Variants in ADAMTS3 observed in about 807,000 individuals in gnomAD.
The protein encoded by ADAMTS3 is ADAM metallopeptidase with thrombospondin type 1 motif 3, also known as A disintegrin and metalloproteinase with thrombospondin motifs 3.
ADAMTS3 carries 73 observed loss-of-function variants against 129.0 expected under a neutral mutation model. That is an observed-to-expected ratio of 0.57 (90% CI 0.47 to 0.69). ADAMTS3 has a LOEUF of 0.69. Ranked by LOEUF, ADAMTS3 falls within the 30% of genes least tolerant of loss-of-function variation. The pLI is 0.00. For synonymous variants in ADAMTS3, 477 were observed against 510.8 expected (o/e 0.93, Z 0.89); for missense variants, 1,457 against 1,514.5 (o/e 0.96, Z 0.63).
chr4:72,392,172 C>T (rs561338758), intron 4 of ADAMTS3, among the ~76,000 whole-genome samples: 5 of 152,236 alleles, frequency 3.3e-5, no homozygotes, highest in South Asian at 2.1e-4. Flanking sequence ...AACTCATATT[C>T]CCTGACTCCT....
rs150043091 is a variant in ADAMTS3 at position 72,382,556 on chromosome 4, A to T, written c.661+32259T>A. On this transcript the variant is annotated intron_variant, in intron 4 of 21. Transcript: ENST00000286657. ...GGTATCTACCCAAAGGAAAAGAAAC[A>T]GTTTTATCAAGAAGATACCTAAACC... Among the ~76,000 whole-genome samples, 26 of 152,262 alleles carry T rather than the reference A, an allele frequency of 1.7e-4. No homozygotes were observed. The South Asian group carries it at 1.9e-3, about 11-fold the overall frequency.
intron 3 of ADAMTS3, among the ~76,000 whole-genome samples, chr4:72,475,750 C>T (rs1719212886): frequency 6.6e-6 from 1 of 151,500 alleles, no homozygotes; most frequent in South Asian, 2.1e-4. Context: ...AATATATCCT[C>T]ATCTATGAAA....
At chr4:72,294,650 C>T (rs992615687) in intron 19 of ADAMTS3, among the ~76,000 whole-genome samples, 2 of 152,020 alleles carry the variant, frequency 1.3e-5, no homozygotes, top group Admixed American at 1.3e-4. Flanking sequence ...TCAATTTCAT[C>T]ACTGGGATTT....
At chr4:72,289,342 C>T (rs975927607) in intron 20 of ADAMTS3, among the ~76,000 whole-genome samples, 1 of 152,190 alleles carries the variant, frequency 6.6e-6, no homozygotes, top group Non-Finnish European at 1.5e-5. Flanking sequence ...ACAGTCCTCA[C>T]TTCTTTCTTA....
At position 72,291,021 on chromosome 4, in the gene ADAMTS3, C is replaced by T. The variant is rs1395542915; in HGVS notation, c.2765G>A (p.Gly922Glu). The T allele has an allele frequency of 6.2e-7, 1 of 1,614,016 alleles. No homozygotes were observed. Residue 922 changes from glycine (G) to glutamate (E), a missense_variant, in exon 20 of 22, where the codon GGA becomes GAA. Coordinates refer to ENST00000286657, the MANE Select transcript of ADAMTS3 (RefSeq NM_014243.3). The stretch of plus-strand genomic sequence containing the variant: ...AGTGCGAAGCTGATAGCCAGAACTT[C>T]CACAGGTTTTGGTGCAGTGTTCCCA... ...EEWEHCTKTC[G>E]SSGYQLRTVR...
At chr4:72,390,959 A>AG (rs1721577724) in intron 4 of ADAMTS3, among the ~76,000 whole-genome samples, 1 of 151,974 alleles carries the variant, frequency 6.6e-6, no homozygotes, top group African/African-American at 2.4e-5. Flanking sequence ...GGAAATGAAA[A>AG]ATGATTATGA....
intron 4 of ADAMTS3, among the ~76,000 whole-genome samples, chr4:72,394,400 T>TGG (rs1225629212): frequency 1.3e-5 from 2 of 152,244 alleles, no homozygotes; most frequent in African/African-American, 4.8e-5. Flanking sequence ...AAGCTCGCCA[T>TGG]GACTCAACAG....
intron 4 of ADAMTS3, among the ~76,000 whole-genome samples, chr4:72,407,657 GA>G (rs1722082572): frequency 6.6e-6 from 1 of 152,106 alleles, no homozygotes; most frequent in Admixed American, 6.6e-5. Context: ...AGTCCTGTGA[GA>G]AAGAATGGCC....
intron 3 of ADAMTS3, among the ~76,000 whole-genome samples, chr4:72,459,263 G>C (rs1216890034): frequency 6.6e-6 from 1 of 151,476 alleles, no homozygotes; most frequent in East Asian, 2.0e-4. Context: ...TCTGTGTAGA[G>C]ATATTGGAAG....
chr4:72,356,990 T>A (rs1030455050), intron 4 of ADAMTS3, among the ~76,000 whole-genome samples: 6 of 152,038 alleles, frequency 3.9e-5, no homozygotes, highest in Middle Eastern at 3.4e-3. Context: ...TTCTTAGACA[T>A]GTACTTAATA....
intron 3 of ADAMTS3, among the ~76,000 whole-genome samples, chr4:72,540,189 T>A (rs1721284733): frequency 6.6e-6 from 1 of 152,072 alleles, no homozygotes; most frequent in African/African-American, 2.4e-5. Flanking sequence ...TGGTCTCAGA[T>A]GGAGATGAGG....
chr4:72,452,997 A>G (rs1578692175), intron 3 of ADAMTS3, among the ~76,000 whole-genome samples: 1 of 151,806 alleles, frequency 6.6e-6, no homozygotes, highest in Non-Finnish European at 1.5e-5. Context: ...TCCACGCTAC[A>G]TACTTCATCT....
intron 3 of ADAMTS3, among the ~76,000 whole-genome samples, chr4:72,454,050 G>C (rs1308783389): frequency 6.6e-6 from 1 of 151,252 alleles, no homozygotes; most frequent in Non-Finnish European, 1.5e-5. Flanking sequence ...GTATAATAAA[G>C]ATGAGTAAAA....
intron 3 of ADAMTS3, among the ~76,000 whole-genome samples, chr4:72,519,021 A>C (rs1360601818): frequency 6.6e-6 from 1 of 151,190 alleles, no homozygotes; most frequent in Non-Finnish European, 1.5e-5. Context: ...GAGCTCTTTT[A>C]GGGCAGGCCT....
rs147162908 is a variant in ADAMTS3 at position 72,377,220 on chromosome 4, T to A, written c.662-37527A>T. Among the ~76,000 whole-genome samples, 269 of 152,256 alleles carry A rather than the reference T, an allele frequency of 1.8e-3. 1 individual carries two copies. Among genetic ancestry groups the A allele is most frequent in the Non-Finnish European group, 3.3e-3 (223 of 68,024 alleles). ...GTGTCTTGCCTCACTGGTAATTAAATGTTTTATTACCCTTAGAAAGGAAAG... is the reference window on the plus strand; with the variant it reads ...GTGTCTTGCCTCACTGGTAATTAAAAGTTTTATTACCCTTAGAAAGGAAAG... On this transcript the variant is annotated intron_variant, in intron 4 of 21. Coordinates refer to ENST00000286657, the MANE Select transcript of ADAMTS3 (RefSeq NM_014243.3).
At position 72,568,592 on chromosome 4, in the gene ADAMTS3, G is replaced by C. The variant is rs531734295; in HGVS notation, c.69+102C>G. On this transcript the variant is annotated intron_variant, in intron 1 of 21. Transcript: ENST00000286657. ...TGAACGCAAAAGATAACAGGGAAGG[G>C]TGGGAGGAGAAGGAGGAAAGAGAGG... is the stretch of plus-strand genomic sequence containing the variant. The C allele has an allele frequency of 8.0e-6, 7 of 877,162 alleles. No individual in the cohort carries two copies. The African/African-American group carries it at 1.0e-4, about 13-fold the overall frequency. 54.3% of individuals were successfully genotyped at this position (877,162 alleles called of 1,614,324 possible). A position where few individuals can be genotyped will look rare whatever the true frequency, so the allele number is the denominator to read the frequency against.
At chr4:72,378,192 C>G (rs534311067) in intron 4 of ADAMTS3, among the ~76,000 whole-genome samples, 1 of 152,236 alleles carries the variant, frequency 6.6e-6, no homozygotes, top group South Asian at 2.1e-4. Context: ...TGGTGGTGCT[C>G]CTTGCATCTA....
intron 3 of ADAMTS3, among the ~76,000 whole-genome samples, chr4:72,474,289 A>C (rs1164446384): frequency 6.6e-6 from 1 of 152,208 alleles, no homozygotes; most frequent in Non-Finnish European, 1.5e-5. Context: ...AACAATGATA[A>C]ACAATGTTTC....
chr4:72,366,201 C>T (rs78614942), intron 4 of ADAMTS3, among the ~76,000 whole-genome samples: 2,773 of 152,272 alleles, frequency 0.018, 41 homozygotes, highest in Middle Eastern at 0.048. Context: ...TGTCTTGGCT[C>T]TCTATTCTTC....
Sources: gnomAD v4.1 joint callset for allele counts (sites outside exome capture counted in the v4.1 genomes callset) on GRCh38, gnomAD v4.1.1 for gene constraint, MANE v1.5 for transcripts, NCBI Gene and HGNC (gene_info 2026-07-23, HGNC 2026-07-21) for gene names.